The following TXNRD1 variants were observed in gnomAD, a reference collection of about 807,000 sequenced individuals.
TXNRD1 encodes thioredoxin reductase 1, also known as thioredoxin reductase 1, cytoplasmic.
TXNRD1 carries 57 observed loss-of-function variants against 80.3 expected under a neutral mutation model. The observed-to-expected ratio is 0.71, with a 90% CI of 0.57 to 0.89. The LOEUF is 0.89. TXNRD1 is among the 40% of genes least tolerant of loss of function. The pLI, the probability that TXNRD1 is intolerant of heterozygous loss-of-function variation, is 0.00. For synonymous variants in TXNRD1, 291 were observed against 285.2 expected (o/e 1.02, Z -0.20); for missense variants, 730 against 803.0 (o/e 0.91, Z 1.10).
chr12:104,313,766 A>G (rs561805909), intron 6 of TXNRD1, among the ~76,000 whole-genome samples: 312 of 152,320 alleles, frequency 2.0e-3, no homozygotes, highest in African/African-American at 7.2e-3. Flanking sequence ...CAAGGCAATG[A>G]CGATATAGCA....
chr12:104,289,642 T>C, intron 4 of TXNRD1: 1 of 152,344 alleles, frequency 6.6e-6, no homozygotes, highest in East Asian at 1.9e-4. Context: ...TCCTTAGACC[T>C]ATGCTACTGA....
intron 4 of TXNRD1, among the ~76,000 whole-genome samples, chr12:104,298,733 TAAAAAATAA>T (rs1241885575): frequency 1.3e-5 from 2 of 150,676 alleles, no homozygotes; most frequent in Non-Finnish European, 3.0e-5. Context: ...AAAATAAAAA[TAAAAAATAA>T]AAAAAATTAA....
intron 1 of TXNRD1, among the ~76,000 whole-genome samples, chr12:104,246,706 A>T (rs931767286): frequency 6.6e-6 from 1 of 151,676 alleles, no homozygotes; most frequent in Admixed American, 6.6e-5. Flanking sequence ...TATTTTTAGT[A>T]GAGACTGGGT....
intron 3 of TXNRD1, among the ~76,000 whole-genome samples, chr12:104,287,774 G>C (rs1233296747): frequency 6.6e-6 from 1 of 152,170 alleles, no homozygotes; most frequent in Non-Finnish European, 1.5e-5. Flanking sequence ...GCCTGGGTTT[G>C]AATCCTGCCG....
chr12:104,333,540 A>G (rs193298016), intron 14 of TXNRD1, among the ~76,000 whole-genome samples: 1 of 152,208 alleles, frequency 6.6e-6, no homozygotes, highest in East Asian at 1.9e-4. Flanking sequence ...TTAAAATTAT[A>G]TTATTTATCA....
chr12:104,326,935 A>T (rs1225021509), intron 12 of TXNRD1, among the ~76,000 whole-genome samples: 1 of 152,030 alleles, frequency 6.6e-6, no homozygotes. Context: ...TCCTGTGTTC[A>T]AGTGATTCTT....
intron 4 of TXNRD1, among the ~76,000 whole-genome samples, chr12:104,300,835 G>A (rs1276460967): frequency 5.3e-5 from 8 of 152,114 alleles, no homozygotes; most frequent in Admixed American, 3.9e-4. Context: ...TAGTAGAGAC[G>A]TGGTTTCTCC....
chr12:104,313,073 A>C (rs1158521521), intron 5 of TXNRD1, among the ~76,000 whole-genome samples, 172 bp from the exon 6 acceptor site: 3 of 152,136 alleles, frequency 2.0e-5, no homozygotes, highest in Admixed American at 6.5e-5. Flanking sequence ...AATATCTGTT[A>C]ATTTTTATCC....
intron 1 of TXNRD1, among the ~76,000 whole-genome samples, chr12:104,250,553 C>G (rs928298066): frequency 1.3e-5 from 2 of 152,106 alleles, no homozygotes; most frequent in Non-Finnish European, 2.9e-5. Context: ...GTTGCATAAC[C>G]TCTCTGAGTC....
intron 3 of TXNRD1, among the ~76,000 whole-genome samples, chr12:104,261,165 T>C (rs1048022507): frequency 6.9e-6 from 1 of 145,412 alleles, no homozygotes; most frequent in Non-Finnish European, 1.5e-5. Flanking sequence ...CTTTCTTTCT[T>C]TTTTTTTTTT....
At chr12:104,299,689 T>TC (rs2034554889) in intron 4 of TXNRD1, among the ~76,000 whole-genome samples, 1 of 147,766 alleles carries the variant, frequency 6.8e-6, no homozygotes, top group African/African-American at 2.5e-5. Flanking sequence ...ATCACTTGAG[T>TC]CCGGGGGGTG....
chr12:104,323,492 C>T lies in TXNRD1; in HGVS notation c.1216-1845C>T, dbSNP rs1331628180. ...AGTAGGGGCGGCCGGGCAGAGGCGC[C>T]CCTCACCTCCCGGACGGGGCGGCTG... On this transcript the variant is annotated intron_variant, in intron 10 of 16. Transcript: ENST00000525566. Among the ~76,000 whole-genome samples the T allele has an allele frequency of 2.0e-5, 3 of 146,672 alleles. No individual in the cohort carries two copies. The East Asian group carries it at 6.2e-4, about 30-fold the overall frequency.
chr12:104,308,492 C>T (rs1593805333), intron 4 of TXNRD1, among the ~76,000 whole-genome samples: 2 of 152,068 alleles, frequency 1.3e-5, no homozygotes, highest in African/African-American at 4.8e-5. Context: ...AATACGTTAA[C>T]ATTTAATAAA....
chr12:104,249,898 T>C (rs2033079021), intron 1 of TXNRD1, among the ~76,000 whole-genome samples: 1 of 138,308 alleles, frequency 7.2e-6, no homozygotes, highest in African/African-American at 2.8e-5. Flanking sequence ...ATCGTGCCAC[T>C]GTACTCCAGC....
intron 4 of TXNRD1, among the ~76,000 whole-genome samples, chr12:104,294,697 G>A (rs1035880194): frequency 2.0e-5 from 3 of 152,122 alleles, no homozygotes; most frequent in African/African-American, 4.8e-5. Context: ...CTCAAAACTC[G>A]TGAGTTTAAG....
chr12:104,304,930 A>G lies in TXNRD1; in HGVS notation c.415-6360A>G, dbSNP rs776061265. On this transcript the variant is annotated intron_variant, in intron 4 of 16. Transcript: ENST00000525566. The stretch of plus-strand genomic sequence containing the variant: ...CTGAGGCTATGATTACATACTCCTC[A>G]TACTAAAGATTTCTTAGTATAGCAT... 4.4e-6 allele frequency: 7 copies of G among 1,585,200 alleles called. 1 individual carries two copies. In the South Asian group the frequency reaches 5.8e-5, roughly 13 times the overall value.
chr12:104,292,581 G>T (rs1018083263), intron 4 of TXNRD1, among the ~76,000 whole-genome samples: 3 of 152,046 alleles, frequency 2.0e-5, no homozygotes, highest in African/African-American at 7.2e-5. Context: ...TTTTAGTAGA[G>T]ATGTGGTTTT....
chr12:104,340,044 T>A (rs2036270714), intron 16 of TXNRD1, among the ~76,000 whole-genome samples: 1 of 152,220 alleles, frequency 6.6e-6, no homozygotes, highest in African/African-American at 2.4e-5. Context: ...ACAACTGAAC[T>A]CATTGCTGAG....
chr12:104,292,979 G>T (rs1476270544), intron 4 of TXNRD1, among the ~76,000 whole-genome samples: 2 of 152,186 alleles, frequency 1.3e-5, no homozygotes, highest in African/African-American at 4.8e-5. Context: ...CAGGGCTTTT[G>T]TATGTCCATG....
Sources: gnomAD v4.1 joint callset for allele counts (sites outside exome capture counted in the v4.1 genomes callset) on GRCh38, gnomAD v4.1.1 for gene constraint, MANE v1.5 for transcripts, NCBI Gene and HGNC (gene_info 2026-07-23, HGNC 2026-07-21) for gene names.